The following OSGIN2 variants were observed in gnomAD, a reference collection of about 807,000 sequenced individuals.
OSGIN2 encodes oxidative stress-induced growth inhibitor 2.
OSGIN2 carries 19 observed loss-of-function variants against 53.8 expected under a neutral mutation model. That is an observed-to-expected ratio of 0.35 (90% CI 0.25 to 0.52). OSGIN2 has a LOEUF of 0.52. Among genes scored for constraint, OSGIN2 ranks in the 20% least tolerant of loss-of-function variants. The pLI is 0.95. For missense variants in OSGIN2, 520 were observed against 662.7 expected (o/e 0.78, Z 2.36); for synonymous variants, 236 against 236.0 (o/e 1.00, Z 0.00).
rs1276827472 is a variant in OSGIN2 at position 89,927,003 on chromosome 8, T to G, written c.*1471T>G. The G allele has an allele frequency of 6.6e-6, 1 of 152,206 alleles. No individual in the cohort carries two copies. Among genetic ancestry groups the G allele is most frequent in the East Asian group, 1.9e-4 (1 of 5,206 alleles). 9.4% of individuals were successfully genotyped at this position (152,206 alleles called of 1,614,324 possible). On this transcript the variant is annotated 3_prime_UTR_variant, in exon 6 of 6. Coordinates refer to ENST00000451899, the MANE Select transcript of OSGIN2 (RefSeq NM_001126111.3). ...ATATCACACCTAATTTAACTTGATT[T>G]TACAAGCTGTACAATCCAGTTTTAG...
In OSGIN2 at chr8:89,902,850, C is replaced by A; in HGVS notation, c.44+13C>A. The A allele has an allele frequency of 7.3e-7, 1 of 1,377,710 alleles. No homozygotes were observed. Among genetic ancestry groups the A allele is most frequent in the Non-Finnish European group, 9.6e-7 (1 of 1,045,120 alleles). 85.3% of individuals were successfully genotyped at this position (1,377,710 alleles called of 1,614,324 possible). A position where few individuals can be genotyped will look rare whatever the true frequency, so the allele number is the denominator to read the frequency against. Reference sequence around the variant, plus strand: ...CCGGTCATTTCAGGTGACTTCCTCGCCGGGGATGGGAGGGGAGCAGGCGGG... The same window carrying A: ...CCGGTCATTTCAGGTGACTTCCTCGACGGGGATGGGAGGGGAGCAGGCGGG... On this transcript the variant is annotated intron_variant, in intron 1 of 5. Transcript: ENST00000451899.
At chr8:89,909,521 T>G in intron 1 of OSGIN2, 46 bp from the exon 2 acceptor site, 1 of 1,032,878 alleles carries the variant, frequency 9.7e-7, no homozygotes, top group Non-Finnish European at 1.4e-6. Flanking sequence ...TTATAAAGGC[T>G]ATATTGACTA....
chr8:89,904,497 A>G (rs189926865), intron 1 of OSGIN2, among the ~76,000 whole-genome samples: 2 of 152,182 alleles, frequency 1.3e-5, no homozygotes, highest in African/African-American at 4.8e-5. Flanking sequence ...CACACTTTTT[A>G]TTGCAAAAAC....
Position 89,925,447 on chromosome 8 carries a change from C to T in OSGIN2, c.1565C>T (p.Ala522Val), listed in dbSNP as rs201554027. 66 of 1,614,056 alleles carry T rather than the reference C, an allele frequency of 4.1e-5. No individual in the cohort carries two copies. The highest frequency in any genetic ancestry group is 1.1e-5 in the South Asian group (1 of 91,076). ...DNFVRFLKGG[A>V]LGVTRCLATR... ...TTTGTTCGATTTTTAAAGGGAGGGG[C>T]GCTGGGTGTTACACGCTGTTTAGCT... Residue 522 changes from alanine to valine, a missense_variant, in exon 6 of 6, where the codon GCG (alanine) becomes GTG (valine). This residue lies in a region of OSGIN2 where 239 missense variants were observed against 328.3 expected (regional missense o/e 0.73). Coordinates refer to ENST00000451899, the MANE Select transcript of OSGIN2 (RefSeq NM_001126111.3).
rs1433420187 is a variant in OSGIN2 at position 89,924,647 on chromosome 8, T to C, written c.765T>C (p.Asp255=). The change falls in exon 6 of 6, where the codon GAT becomes GAC. Residue 255 remains aspartate, a synonymous_variant. Coordinates refer to ENST00000451899, the MANE Select transcript of OSGIN2 (RefSeq NM_001126111.3). Reference sequence around the variant, plus strand: ...GACTCTACAGAGATCAAGATGATGATGATATTCAAGACAGAGATATTTCAA... The same window carrying C: ...GACTCTACAGAGATCAAGATGATGACGATATTCAAGACAGAGATATTTCAA... The part of the protein sequence containing the change: ...VSRLYRDQDD[D]DIQDRDISTK... 2 of 1,613,970 alleles carry C rather than the reference T, an allele frequency of 1.2e-6. No individual in the cohort carries two copies. Among genetic ancestry groups the C allele is most frequent in the African/African-American group, 1.3e-5 (1 of 74,912 alleles).
chr8:89,914,790 G>C, intron 4 of OSGIN2, 44 bp downstream of exon 4: 1 of 1,404,560 alleles, frequency 7.1e-7, no homozygotes, highest in Non-Finnish European at 1.0e-6. Context: ...TGAATTATTT[G>C]TCTTGATAAG....
rs1433420187 is a variant in OSGIN2, at chr8:89,924,647, T to A, written c.765T>A (p.Asp255Glu). The A allele has an allele frequency of 1.2e-6, 2 of 1,614,086 alleles. No individual in the cohort carries two copies. The highest frequency in any genetic ancestry group is 2.2e-5 in the South Asian group (2 of 91,080). The change falls in exon 6 of 6, where the codon GAT becomes GAA. Residue 255 changes from aspartate (D) to glutamate (E), a missense_variant. Physicochemically the swap from Asp to Glu is conservative, Grantham distance 45 (BLOSUM62 2). Around this residue, in one of 3 missense-constraint regions of OSGIN2, gnomAD observed 78 missense variants for 59.1 expected, o/e 1.32. Transcript: ENST00000451899. ...VSRLYRDQDD[D>E]DIQDRDISTK... ...GACTCTACAGAGATCAAGATGATGATGATATTCAAGACAGAGATATTTCAA... is the reference window on the plus strand; with the variant it reads ...GACTCTACAGAGATCAAGATGATGAAGATATTCAAGACAGAGATATTTCAA...
In OSGIN2 at chr8:89,914,094, A is replaced by C; in HGVS notation, c.217A>C (p.Ile73Leu). 1 of 1,611,422 alleles carries C rather than the reference A, an allele frequency of 6.2e-7. No homozygotes were observed. The highest frequency in any genetic ancestry group is 8.5e-7 in the Non-Finnish European group (1 of 1,178,284). ...VVIIGNGPSG[I>L]CLSYMLSGYR... is the part of the protein sequence containing the mutation. ...TTTAATAGGAAATGGACCCTCAGGA[A>C]TATGCCTTTCTTATATGTTATCAGG... Residue 73 changes from isoleucine (I) to leucine (L), a missense_variant, in exon 3 of 6, where the codon ATA becomes CTA. Physicochemically the swap from Ile to Leu is conservative, Grantham distance 5. Coordinates refer to ENST00000451899, the MANE Select transcript of OSGIN2 (RefSeq NM_001126111.3).
At chr8:89,914,238 A>T in intron 3 of OSGIN2, 25 bp downstream of exon 3, 1 of 1,546,272 alleles carries the variant, frequency 6.5e-7, no homozygotes, top group Admixed American at 2.1e-5. Context: ...ATGTCAATTT[A>T]AAAAATTTTT....
intron 4 of OSGIN2, among the ~76,000 whole-genome samples, chr8:89,916,849 A>G (rs888907765): frequency 6.6e-6 from 1 of 152,096 alleles, no homozygotes. Context: ...AGTGGAGCCT[A>G]TTCATTCTCC....
intron 4 of OSGIN2, among the ~76,000 whole-genome samples, chr8:89,916,654 CTT>C (rs1809085525): frequency 6.6e-6 from 1 of 152,238 alleles, no homozygotes; most frequent in African/African-American, 2.4e-5. Context: ...CTCTGTTTCT[CTT>C]GTGATCTAGT....
intron 1 of OSGIN2, among the ~76,000 whole-genome samples, chr8:89,908,078 C>G (rs1190211342): frequency 6.6e-6 from 1 of 152,056 alleles, no homozygotes; most frequent in Non-Finnish European, 1.5e-5. Flanking sequence ...GGAGAAATAC[C>G]AGGGACAGAG....
intron 4 of OSGIN2, among the ~76,000 whole-genome samples, chr8:89,918,207 CAT>C (rs1240865760): frequency 6.6e-6 from 1 of 152,136 alleles, no homozygotes; most frequent in Non-Finnish European, 1.5e-5. Context: ...TGACAGTGTT[CAT>C]ATCTTTCTTA....
intron 2 of OSGIN2, among the ~76,000 whole-genome samples, chr8:89,910,729 G>T (rs540284089): frequency 6.6e-6 from 1 of 152,242 alleles, no homozygotes; most frequent in Non-Finnish European, 1.5e-5. Flanking sequence ...CTGTCTTCTT[G>T]TGTGGCTAGG....
chr8:89,909,065 T>TAA (rs770300611), intron 1 of OSGIN2, among the ~76,000 whole-genome samples: 13,635 of 114,692 alleles, frequency 0.12, 1,005 homozygotes, highest in East Asian at 0.17. Context: ...TATATATATA[T>TAA]AATGTATATG....
Position 89,924,807 on chromosome 8 carries a change from C to T in OSGIN2, c.925C>T (p.Leu309=), listed in dbSNP as rs1809282357. 1 of 1,614,150 alleles carries T rather than the reference C, an allele frequency of 6.2e-7. No individual in the cohort carries two copies. The highest frequency in any genetic ancestry group is 1.7e-5 in the Admixed American group (1 of 60,002). ...AENVALATGT[L]DSPAHLEIEG... ...GAATGTAGCGCTGGCAACTGGAACG[C>T]TGGATTCTCCTGCCCATCTGGAAAT... The change falls in exon 6 of 6, where the codon CTG becomes TTG. Residue 309 remains leucine, a synonymous_variant. Coordinates refer to ENST00000451899, the MANE Select transcript of OSGIN2 (RefSeq NM_001126111.3).
At chr8:89,908,468 T>C (rs1198873787) in intron 1 of OSGIN2, among the ~76,000 whole-genome samples, 10 of 152,142 alleles carry the variant, frequency 6.6e-5, no homozygotes, top group Admixed American at 5.9e-4. Flanking sequence ...TTCTTTTCTG[T>C]TTATCAACCT....
At chr8:89,904,367 C>T (rs554110315) in intron 1 of OSGIN2, among the ~76,000 whole-genome samples, 43 of 152,156 alleles carry the variant, frequency 2.8e-4, no homozygotes, top group Non-Finnish European at 5.1e-4. Context: ...CCATTTGCTT[C>T]CTGCCGTGCA....
At chr8:89,909,011 C>CAA (rs35635974) in intron 1 of OSGIN2, among the ~76,000 whole-genome samples, 692 of 38,360 alleles carry the variant, frequency 0.018, 136 homozygotes, top group Middle Eastern at 0.05. Flanking sequence ...ACCTTGTTTC[C>CAA]AAAAAAAAAA....
Sources: gnomAD v4.1 joint callset for allele counts (sites outside exome capture counted in the v4.1 genomes callset) on GRCh38, gnomAD v4.1.1 for gene constraint, gnomAD v4.1.1 regional missense constraint, MANE v1.5 for transcripts, NCBI Gene and HGNC (gene_info 2026-07-23, HGNC 2026-07-21) for gene names.